Variants in SHISA6 observed in about 807,000 individuals in gnomAD.
The protein encoded by SHISA6 is shisa family member 6.
SHISA6 carries 22 observed loss-of-function variants against 47.9 expected under a neutral mutation model. The ratio of observed to expected loss-of-function variants is 0.46; its 90% confidence interval spans 0.33 to 0.66. The LOEUF (loss-of-function observed/expected upper bound fraction) is 0.66. Ranked by LOEUF, SHISA6 falls within the 30% of genes least tolerant of loss-of-function variation. SHISA6 has a pLI of 0.02. For synonymous variants in SHISA6, 388 were observed against 337.8 expected, an observed-to-expected ratio of 1.15 and a Z score of -1.63; for missense variants, 680 against 764.6, an observed-to-expected ratio of 0.89 and a Z score of 1.30.
chr17:11,477,674 G>T (rs1195139621), intron 3 of SHISA6, among the ~76,000 whole-genome samples: 1 of 145,722 alleles, frequency 6.9e-6, no homozygotes, highest in Non-Finnish European at 1.5e-5. Flanking sequence ...GCGGTGTTTG[G>T]TTTTTTGTTC....
chr17:11,296,341 G>T (rs1268112181), intron 2 of SHISA6, among the ~76,000 whole-genome samples: 1 of 152,156 alleles, frequency 6.6e-6, no homozygotes, highest in Non-Finnish European at 1.5e-5. Context: ...GAAGATAGGG[G>T]CTTAGAGTAG....
At chr17:11,245,802 C>A (rs1024878835) in intron 1 of SHISA6, among the ~76,000 whole-genome samples, 1 of 151,830 alleles carries the variant, frequency 6.6e-6, no homozygotes, top group Non-Finnish European at 1.5e-5. Context: ...TGGATATCAA[C>A]AGGAAAAAGT....
chr17:11,499,418 C>T (rs1477089435), intron 3 of SHISA6, among the ~76,000 whole-genome samples: 1 of 152,162 alleles, frequency 6.6e-6, no homozygotes, highest in Non-Finnish European at 1.5e-5. Flanking sequence ...CACACACAAC[C>T]TCTGCTTTCT....
At chr17:11,432,396 T>C (rs918231965) in intron 3 of SHISA6, among the ~76,000 whole-genome samples, 5 of 152,182 alleles carry the variant, frequency 3.3e-5, no homozygotes, top group East Asian at 1.9e-4. Context: ...GCCTACTTCA[T>C]TGAAAGTCCT....
At chr17:11,328,003 A>G (rs1301479370) in intron 2 of SHISA6, among the ~76,000 whole-genome samples, 5 of 152,264 alleles carry the variant, frequency 3.3e-5, no homozygotes, top group Admixed American at 6.5e-5. Flanking sequence ...AAAAATGTAT[A>G]TATTTTTAAT....
intron 3 of SHISA6, among the ~76,000 whole-genome samples, chr17:11,435,449 T>C (rs1271829990): frequency 6.6e-6 from 1 of 151,928 alleles, no homozygotes; most frequent in African/African-American, 2.4e-5. Flanking sequence ...TTTTTAGAAA[T>C]GACAATGCAA....
chr17:11,314,508 G>A (rs545657962), intron 2 of SHISA6, among the ~76,000 whole-genome samples: 9 of 150,486 alleles, frequency 6.0e-5, no homozygotes, highest in South Asian at 2.1e-4. Flanking sequence ...GTACTTTTAC[G>A]TCATTCCATA....
intron 3 of SHISA6, among the ~76,000 whole-genome samples, chr17:11,426,614 A>C (rs1914616891): frequency 6.6e-6 from 1 of 152,236 alleles, no homozygotes; most frequent in South Asian, 2.1e-4. Context: ...TTGTCACAGC[A>C]CTGCAAGAAA....
chr17:11,408,622 C>A (rs1914028872), intron 3 of SHISA6, among the ~76,000 whole-genome samples: 1 of 152,152 alleles, frequency 6.6e-6, no homozygotes, highest in Admixed American at 6.5e-5. Context: ...GAAGTGTCAT[C>A]CAAATTGTAA....
chr17:11,259,304 CT>C (rs1444847831), intron 1 of SHISA6, among the ~76,000 whole-genome samples: 1 of 152,122 alleles, frequency 6.6e-6, no homozygotes, highest in African/African-American at 2.4e-5. Context: ...CATACATAAC[CT>C]CTAAAAGTTT....
intron 2 of SHISA6, among the ~76,000 whole-genome samples, chr17:11,353,414 G>A (rs910592827): frequency 6.7e-6 from 1 of 149,648 alleles, no homozygotes; most frequent in Non-Finnish European, 1.5e-5. Flanking sequence ...CCGAGATCAC[G>A]CCACCGCACT....
intron 1 of SHISA6, among the ~76,000 whole-genome samples, chr17:11,253,185 G>A (rs559060365): frequency 6.6e-6 from 1 of 152,038 alleles, no homozygotes; most frequent in African/African-American, 2.4e-5. Flanking sequence ...CAGTTCTGTC[G>A]AGCTGTGTTC....
At chr17:11,436,719 T>C (rs1914953928) in intron 3 of SHISA6, among the ~76,000 whole-genome samples, 2 of 152,248 alleles carry the variant, frequency 1.3e-5, no homozygotes, top group Admixed American at 1.3e-4. Flanking sequence ...TATAAACACA[T>C]GGATGAATCC....
At chr17:11,297,195 C>T (rs62063460) in intron 2 of SHISA6, among the ~76,000 whole-genome samples, 39,883 of 151,874 alleles carry the variant, frequency 0.26, 6,052 homozygotes, top group Non-Finnish European at 0.35. Context: ...CATAGAGCTC[C>T]ATCTAGTGGA....
chr17:11,353,468 AAAG>A (rs941130108), intron 2 of SHISA6, among the ~76,000 whole-genome samples: 4 of 151,934 alleles, frequency 2.6e-5, no homozygotes, highest in African/African-American at 9.7e-5. Flanking sequence ...AAAAAAAAAA[AAAG>A]GGTGAGGCGG....
At chr17:11,275,462 C>T (rs768277138) in intron 2 of SHISA6, among the ~76,000 whole-genome samples, 2 of 152,242 alleles carry the variant, frequency 1.3e-5, no homozygotes, top group South Asian at 4.2e-4. Context: ...TGATTTTGGT[C>T]CTTTATTGGA....
At chr17:11,490,416 C>T (rs1433658992) in intron 3 of SHISA6, among the ~76,000 whole-genome samples, 4 of 152,004 alleles carry the variant, frequency 2.6e-5, no homozygotes, top group African/African-American at 4.8e-5. Context: ...ATTCTCCTGC[C>T]GATGAAACAG....
At chr17:11,464,939 T>TTA (rs771647909) in intron 3 of SHISA6, among the ~76,000 whole-genome samples, 7 of 145,250 alleles carry the variant, frequency 4.8e-5, no homozygotes, top group Admixed American at 1.4e-4. Flanking sequence ...CAAAACTGAT[T>TTA]AAAAAAAAAA....
chr17:11,481,909 A>G (rs994847500), intron 3 of SHISA6, among the ~76,000 whole-genome samples: 1 of 152,190 alleles, frequency 6.6e-6, no homozygotes, highest in Non-Finnish European at 1.5e-5. Context: ...AAAAAATGCC[A>G]TAAAAAATGC....
Sources: allele counts gnomAD v4.1 joint callset (sites outside exome capture counted in the v4.1 genomes callset), GRCh38; gene constraint gnomAD v4.1.1; transcripts MANE v1.5; gene names NCBI Gene and HGNC (gene_info 2026-07-23, HGNC 2026-07-21).